ANKHD1: variants seen among roughly 807,000 people sequenced by gnomAD.
ANKHD1 encodes ankyrin repeat and KH domain-containing protein 1.
A neutral mutation model predicts 230.5 loss-of-function variants in ANKHD1; 31 were observed. The ratio of observed to expected loss-of-function variants is 0.13; its 90% CI spans 0.10 to 0.18. The LOEUF (loss-of-function observed/expected upper bound fraction) is 0.18. Ranked by LOEUF, ANKHD1 falls within the 10% of genes least tolerant of loss-of-function variation. ANKHD1 has a pLI of 1.00. For synonymous variants in ANKHD1, 1,074 were observed against 1,117.6 expected, an observed-to-expected ratio of 0.96 and a Z score of 0.78; for missense variants, 2,256 against 3,071.3, an observed-to-expected ratio of 0.73 and a Z score of 6.27.
chr5:140,440,276 A>G lies in ANKHD1; in HGVS notation c.765+10A>G, dbSNP rs745974730. On this transcript the variant is annotated intron_variant, in intron 4 of 33. Transcript: ENST00000360839. Reference sequence around the variant, plus strand: ...TTATGAATTAGCACAAGTAAGCAGAAATAATCTTTAGTGATTAAAATTGTG... The same window carrying G: ...TTATGAATTAGCACAAGTAAGCAGAGATAATCTTTAGTGATTAAAATTGTG... The G allele has an allele frequency of 6.2e-6, 10 of 1,603,748 alleles. No homozygotes were observed. In the South Asian group the frequency reaches 1.1e-4, roughly 18 times the overall value.
chr5:140,412,251 T>C (rs1194787127), intron 1 of ANKHD1, among the ~76,000 whole-genome samples: 1 of 152,080 alleles, frequency 6.6e-6, no homozygotes, highest in Non-Finnish European at 1.5e-5. Flanking sequence ...TTGACCACGC[T>C]GGTCTCAAAC....
chr5:140,533,523 C>T (rs1317358621), intron 29 of ANKHD1, among the ~76,000 whole-genome samples: 4 of 152,004 alleles, frequency 2.6e-5, no homozygotes, highest in Middle Eastern at 3.2e-3. Context: ...GGCGTGAACC[C>T]GGGAGGCGGA....
At chr5:140,464,540 A>T in intron 9 of ANKHD1, 127 bp from the exon 10 acceptor site, 1 of 731,718 alleles carries the variant, frequency 1.4e-6, no homozygotes, top group Non-Finnish European at 2.0e-6. Context: ...AAGGAAAACT[A>T]GTATACTTAA....
chr5:140,492,583 T>G (rs1751856837), intron 14 of ANKHD1, among the ~76,000 whole-genome samples: 1 of 152,226 alleles, frequency 6.6e-6, no homozygotes, highest in Non-Finnish European at 1.5e-5. Context: ...TTTGATGCAC[T>G]GTGTTATTTT....
At chr5:140,533,356 T>C (rs928283532) in intron 29 of ANKHD1, among the ~76,000 whole-genome samples, 5 of 152,108 alleles carry the variant, frequency 3.3e-5, no homozygotes, top group Non-Finnish European at 7.4e-5. Flanking sequence ...CCCAGCACTT[T>C]GGGAGGCCGA....
At chr5:140,436,077 G>T (rs1203655725) in intron 1 of ANKHD1, 27 bp from the exon 2 acceptor site, 3 of 1,494,260 alleles carry the variant, frequency 2.0e-6, no homozygotes, top group Admixed American at 2.3e-5. Flanking sequence ...CAGTTTCATG[G>T]ATATTGCATC....
rs1239070455 is a variant in ANKHD1, at chr5:140,496,878, T to G, written c.2604T>G (p.Ser868=). The G allele has an allele frequency of 3.1e-6, 5 of 1,614,140 alleles. No homozygotes were observed. In the South Asian group the frequency reaches 3.3e-5, roughly 11 times the overall value. ...LETKGQKDTV[S]LHQQCSHRGV... ...CCAAAGGTCAGAAAGACACAGTGTC[T>G]CTACACCAACAGTGCTCTCATAGAG... Residue 868 remains serine (S), a synonymous_variant, in exon 15 of 34, where the codon TCT becomes TCG. Transcript: ENST00000360839.
chr5:140,468,780 C>T, intron 10 of ANKHD1, among the ~76,000 whole-genome samples: 1 of 152,120 alleles, frequency 6.6e-6, no homozygotes, highest in East Asian at 1.9e-4. Flanking sequence ...AACCATTTAT[C>T]TACGCATAAA....
chr5:140,431,723 T>C (rs1328788191), intron 1 of ANKHD1, among the ~76,000 whole-genome samples: 2 of 152,240 alleles, frequency 1.3e-5, no homozygotes, highest in Non-Finnish European at 2.9e-5. Flanking sequence ...TATGTCTTAC[T>C]GCCTAATTGA....
intron 10 of ANKHD1, among the ~76,000 whole-genome samples, chr5:140,470,229 A>T (rs1470732801): frequency 1.3e-5 from 2 of 151,210 alleles, no homozygotes; most frequent in African/African-American, 2.5e-5. Context: ...TTTCATCAGG[A>T]TGTATCTTGT....
chr5:140,509,691 AG>A lies in ANKHD1; in HGVS notation c.3821del (p.Arg1274LysfsTer23). The part of the protein sequence containing the change: ...AASGGYAEVG[R>X]VLLDKGADVN... ...TTCTGGAGGGTATGCAGAGGTTGGA[AG>A]AGTTCTTCTTGATAAAGGAGCAGAT... On this transcript the variant is annotated frameshift_variant, in exon 21 of 34. Transcript: ENST00000360839. LOFTEE classifies it high-confidence loss of function. The A allele has an allele frequency of 6.2e-7, 1 of 1,613,132 alleles. No homozygotes were observed. Among genetic ancestry groups the A allele is most frequent in the Non-Finnish European group, 8.5e-7 (1 of 1,179,664 alleles).
intron 24 of ANKHD1, among the ~76,000 whole-genome samples, chr5:140,518,139 G>A (rs1054171541): frequency 2.3e-4 from 35 of 150,356 alleles, no homozygotes; most frequent in African/African-American, 7.6e-4. Flanking sequence ...ACAAACTACC[G>A]TCAGAGAATA....
chr5:140,528,638 C>T lies in ANKHD1; in HGVS notation c.5692C>T (p.Pro1898Ser). ...ACCATTCCCAGTGAGACCTGTGAAT[C>T]CTGGCAACACAAATAGCTCTCCAAA... ...WGPFPVRPVN[P>S]GNTNSSPKHN... Residue 1898 changes from proline (P) to serine (S), a missense_variant, in exon 29 of 34, where the codon CCT (proline) becomes TCT (serine). Around this residue, in one of 13 missense-constraint regions of ANKHD1, gnomAD observed 778 missense variants for 966.5 expected, o/e 0.80. Coordinates refer to ENST00000360839, the MANE Select transcript of ANKHD1 (RefSeq NM_017747.3). 1 of 1,614,136 alleles carries T rather than the reference C, an allele frequency of 6.2e-7. No homozygotes were observed. The highest frequency in any genetic ancestry group is 8.5e-7 in the Non-Finnish European group (1 of 1,180,026).
intron 10 of ANKHD1, among the ~76,000 whole-genome samples, chr5:140,469,498 C>A (rs1776341311): frequency 6.6e-6 from 1 of 151,948 alleles, no homozygotes; most frequent in African/African-American, 2.4e-5. Context: ...TAGAGGGAGA[C>A]CCTATCTCAA....
At chr5:140,491,111 CACACACACATATATATATATATAT>C in intron 14 of ANKHD1, among the ~76,000 whole-genome samples, 1 of 101,924 alleles carries the variant, frequency 9.8e-6, no homozygotes, top group South Asian at 3.6e-4. Flanking sequence ...TATATATACA[CACACACACATATATATATATATAT>C]ACACATATAT....
chr5:140,501,676 G>A (rs891796767), intron 15 of ANKHD1, among the ~76,000 whole-genome samples: 1 of 151,866 alleles, frequency 6.6e-6, no homozygotes, highest in Non-Finnish European at 1.5e-5. Flanking sequence ...TTGAACCCAG[G>A]AGGCAGAGGT....
Position 140,459,213 on chromosome 5 carries a change from T to G in ANKHD1, c.1530T>G (p.Thr510=), listed in dbSNP as rs754436653. The change falls in exon 9 of 34, where the codon ACT becomes ACG. Residue 510 remains threonine, a synonymous_variant. Transcript: ENST00000360839. ...AAGAAACTCAAGAAACTGCTCTTACTTTGGCTTGCTGTGGAGGATTTTCTG... is the reference window on the plus strand; with the variant it reads ...AAGAAACTCAAGAAACTGCTCTTACGTTGGCTTGCTGTGGAGGATTTTCTG... ...QTEETQETAL[T]LACCGGFSEV... is the part of the protein sequence containing the mutation. 1.4e-5 allele frequency: 23 copies of G among 1,600,476 alleles called. No individual in the cohort carries two copies. The highest frequency in any genetic ancestry group is 1.9e-5 in the Non-Finnish European group (22 of 1,170,700).
chr5:140,453,276 T>G (rs1284517886), intron 7 of ANKHD1, among the ~76,000 whole-genome samples: 1 of 152,154 alleles, frequency 6.6e-6, no homozygotes, highest in East Asian at 1.9e-4. Flanking sequence ...GGAACCAAGT[T>G]GGAATACACT....
intron 1 of ANKHD1, among the ~76,000 whole-genome samples, chr5:140,421,047 A>G (rs1771934555): frequency 1.3e-5 from 2 of 152,168 alleles, no homozygotes. Flanking sequence ...CTGCTAGGAG[A>G]ACAAGTTGTA....
Sources: allele counts gnomAD v4.1 joint callset (sites outside exome capture counted in the v4.1 genomes callset), GRCh38; gene constraint gnomAD v4.1.1; regional missense constraint gnomAD v4.1.1; transcripts MANE v1.5; gene names NCBI Gene and HGNC (gene_info 2026-07-23, HGNC 2026-07-21).